PRTFDC1: variants seen among roughly 807,000 people sequenced by gnomAD.
PRTFDC1 encodes the protein phosphoribosyltransferase domain-containing protein 1.
Under a neutral mutation model 34.6 loss-of-function variants are expected in PRTFDC1, and 38 were observed. The observed-to-expected ratio is 1.10, with a 90% CI of 0.85 to 1.44. The LOEUF is 1.44. PRTFDC1 is among the 40% of genes most tolerant of loss of function. The probability of loss-of-function intolerance (pLI) is 0.00; values close to 1 mark genes in which losing one functional copy is unlikely to be tolerated. For missense variants in PRTFDC1, 270 were observed against 283.0 expected, an observed-to-expected ratio of 0.95 and a Z score of 0.33; for synonymous variants, 93 against 98.1, an observed-to-expected ratio of 0.95 and a Z score of 0.31.
chr10:24,910,957 C>T (rs1413274327), intron 3 of PRTFDC1, among the ~76,000 whole-genome samples: 1 of 151,834 alleles, frequency 6.6e-6, no homozygotes, highest in Non-Finnish European at 1.5e-5. Flanking sequence ...TTAGCATCCC[C>T]AGCAGCTAAG....
chr10:24,928,458 T>C (rs1019104409), intron 3 of PRTFDC1, among the ~76,000 whole-genome samples: 3 of 152,210 alleles, frequency 2.0e-5, no homozygotes, highest in Non-Finnish European at 4.4e-5. Flanking sequence ...TCTTTTTTTC[T>C]CTTAAGACAG....
intron 3 of PRTFDC1, among the ~76,000 whole-genome samples, chr10:24,907,366 G>A (rs1012086454): frequency 3.9e-5 from 6 of 152,242 alleles, no homozygotes; most frequent in East Asian, 1.9e-4. Context: ...AGGCTGAGGC[G>A]GGTGGATCAC....
At chr10:24,908,645 C>T (rs1848576777) in intron 3 of PRTFDC1, 2 of 1,611,430 alleles carry the variant, frequency 1.2e-6, no homozygotes. Flanking sequence ...GGCCAGTCCT[C>T]CTCTATCACA....
At position 24,849,149 on chromosome 10, in the gene PRTFDC1, T is replaced by C. The variant is rs1271883514; in HGVS notation, c.*695A>G. On this transcript the variant is annotated 3_prime_UTR_variant, in exon 9 of 9. Transcript: ENST00000320152. ...TTTTTTCTAATTAAAATTCAGAGTA[T>C]TAAACACAGTTGAGTACATCCATGC... 1 of 152,542 alleles carries C rather than the reference T, an allele frequency of 6.6e-6. No homozygotes were observed. Among genetic ancestry groups the C allele is most frequent in the Admixed American group, 6.5e-5 (1 of 15,272 alleles). 9.4% of individuals were successfully genotyped at this position (152,542 alleles called of 1,614,324 possible).
chr10:24,893,307 T>C (rs1279986879), intron 3 of PRTFDC1, among the ~76,000 whole-genome samples: 3 of 152,190 alleles, frequency 2.0e-5, no homozygotes, highest in Admixed American at 1.3e-4. Flanking sequence ...TTTCTTTCTC[T>C]TGGCAGGGTC....
chr10:24,880,295 C>T (rs906175982), intron 3 of PRTFDC1, among the ~76,000 whole-genome samples: 3 of 151,076 alleles, frequency 2.0e-5, no homozygotes, highest in African/African-American at 7.3e-5. Flanking sequence ...CACTATTGCC[C>T]AGGCTGGAGT....
intron 6 of PRTFDC1, 139 bp from the exon 7 acceptor site, chr10:24,855,503 G>A: frequency 1.0e-6 from 1 of 965,858 alleles, no homozygotes; most frequent in Non-Finnish European, 1.6e-6. Context: ...TGGATAAAAA[G>A]AAGACAGCAG....
At chr10:24,904,261 T>TACACACAC (rs10585982) in intron 3 of PRTFDC1, among the ~76,000 whole-genome samples, 31 of 148,276 alleles carry the variant, frequency 2.1e-4, no homozygotes, top group African/African-American at 7.5e-4. Flanking sequence ...TAAAATGTAA[T>TACACACAC]ACACACACAC....
intron 4 of PRTFDC1, among the ~76,000 whole-genome samples, chr10:24,859,625 T>C (rs1183503732): frequency 6.6e-6 from 1 of 152,184 alleles, no homozygotes; most frequent in Non-Finnish European, 1.5e-5. Context: ...CTATACAGCC[T>C]GCGGAACTGT....
intron 3 of PRTFDC1, among the ~76,000 whole-genome samples, chr10:24,892,768 A>C (rs1848286963): frequency 6.6e-6 from 1 of 152,168 alleles, no homozygotes; most frequent in African/African-American, 2.4e-5. Flanking sequence ...CAATGAAGTC[A>C]GTATTCTTCA....
chr10:24,892,127 C>T (rs11818757), intron 3 of PRTFDC1, among the ~76,000 whole-genome samples: 7,968 of 152,196 alleles, frequency 0.052, 341 homozygotes, highest in African/African-American at 0.13. Context: ...AAATGCCCAG[C>T]AGTGGGATTG....
chr10:24,910,009 A>C (rs1848603215), intron 3 of PRTFDC1, among the ~76,000 whole-genome samples: 1 of 151,746 alleles, frequency 6.6e-6, no homozygotes, highest in Non-Finnish European at 1.5e-5. Flanking sequence ...AAAAAAAAAA[A>C]AAATAGCCAG....
chr10:24,941,926 T>C (rs1849165037), intron 2 of PRTFDC1, among the ~76,000 whole-genome samples: 1 of 152,218 alleles, frequency 6.6e-6, no homozygotes, highest in Non-Finnish European at 1.5e-5. Flanking sequence ...ATTTTCAATA[T>C]GCTAATGTTT....
intron 4 of PRTFDC1, 65 bp downstream of exon 4, chr10:24,871,933 C>CG (rs1392257443): frequency 7.7e-6 from 11 of 1,424,254 alleles, no homozygotes; most frequent in African/African-American, 1.4e-5. Context: ...GAGTGCTGAC[C>CG]TGAAATGCAG....
intron 3 of PRTFDC1, among the ~76,000 whole-genome samples, chr10:24,873,721 G>T (rs1007362134): frequency 6.6e-6 from 1 of 151,974 alleles, no homozygotes; most frequent in African/African-American, 2.4e-5. Context: ...GGGCTGGTTT[G>T]AATTGGATTC....
chr10:24,911,462 T>C (rs1251023775), intron 3 of PRTFDC1, among the ~76,000 whole-genome samples: 2 of 152,366 alleles, frequency 1.3e-5, no homozygotes, highest in Middle Eastern at 3.4e-3. Flanking sequence ...TTCATGGACG[T>C]ACCACAGTTT....
intron 5 of PRTFDC1, 116 bp downstream of exon 5, chr10:24,858,276 T>C: frequency 1.9e-6 from 2 of 1,071,632 alleles, no homozygotes; most frequent in Non-Finnish European, 2.8e-6. Context: ...TTGGAGAGCA[T>C]GCACCCAGTG....
intron 3 of PRTFDC1, among the ~76,000 whole-genome samples, chr10:24,883,156 G>A (rs1243368586): frequency 6.7e-6 from 1 of 148,886 alleles, no homozygotes; most frequent in African/African-American, 2.5e-5. Flanking sequence ...ATATATATAT[G>A]TTCATCTATA....
intron 8 of PRTFDC1, 135 bp downstream of exon 8, chr10:24,851,253 T>C (rs2132483606): frequency 5.5e-6 from 7 of 1,265,970 alleles, no homozygotes; most frequent in African/African-American, 3.0e-5. Context: ...GGAGTATGGA[T>C]GCAATGTGCT....
Sources: gnomAD v4.1 joint callset for allele counts (sites outside exome capture counted in the v4.1 genomes callset) on GRCh38, gnomAD v4.1.1 for gene constraint, MANE v1.5 for transcripts, NCBI Gene and HGNC (gene_info 2026-07-23, HGNC 2026-07-21) for gene names.